Variants in ZC3H12B observed in about 807,000 individuals in gnomAD.
The protein encoded by ZC3H12B is zinc finger CCCH-type containing 12B, also known as probable ribonuclease ZC3H12B.
Under a neutral mutation model 43.9 loss-of-function variants are expected in ZC3H12B, and 7 were observed. The observed-to-expected ratio is 0.16, with a 90% CI of 0.09 to 0.30. The LOEUF (loss-of-function observed/expected upper bound fraction) is 0.30. ZC3H12B is among the 10% of genes least tolerant of loss of function. The pLI, the probability that ZC3H12B is intolerant of heterozygous loss-of-function variation, is 1.00. For synonymous variants in ZC3H12B, 222 were observed against 241.7 expected, an observed-to-expected ratio of 0.92 and a Z score of 0.76; for missense variants, 475 against 670.2, an observed-to-expected ratio of 0.71 and a Z score of 3.22.
chrX:65,456,414 TCCC>T (rs2067611597), intron 3 of ZC3H12B, among the ~76,000 whole-genome samples: 2 of 14,416 alleles, frequency 1.4e-4, no homozygotes, highest in East Asian at 6.8e-3. Flanking sequence ...CCTCTCCCTC[TCCC>T]TCTCCCTCTC....
intron 3 of ZC3H12B, among the ~76,000 whole-genome samples, chrX:65,472,870 ATATATGTT>A: frequency 1.1e-5 from 1 of 88,785 alleles, no homozygotes; most frequent in African/African-American, 4.3e-5. Context: ...GTTTGTGTAT[ATATATGTT>A]TATATATATA....
chrX:65,378,217 A>G (rs920941018), intron 2 of ZC3H12B, among the ~76,000 whole-genome samples: 5 of 112,225 alleles, frequency 4.5e-5, no homozygotes, highest in African/African-American at 1.6e-4. Context: ...TCTTAAATAG[A>G]AAGACTTAAA....
chrX:65,294,030 A>T, the ZC3H12B span, among the ~76,000 whole-genome samples: 8 of 111,646 alleles, frequency 7.2e-5, no homozygotes, highest in African/African-American at 1.3e-4. Flanking sequence ...TTGCCAAAAG[A>T]TCATCAACTA....
the ZC3H12B span, among the ~76,000 whole-genome samples, chrX:65,129,451 A>G: frequency 9.2e-6 from 1 of 109,159 alleles, no homozygotes; most frequent in African/African-American, 3.3e-5. Context: ...TTGGGTAGGT[A>G]ATGGAAAATT....
chrX:65,377,275 G>A (rs1315722390), intron 2 of ZC3H12B, among the ~76,000 whole-genome samples: 2 of 109,330 alleles, frequency 1.8e-5, no homozygotes, highest in East Asian at 2.9e-4. Context: ...TCTAGAAAAC[G>A]GCCTCGTAAG....
the ZC3H12B span, among the ~76,000 whole-genome samples, chrX:65,157,449 G>A: frequency 1.8e-5 from 2 of 111,971 alleles, no homozygotes; most frequent in Admixed American, 1.9e-4. Flanking sequence ...TTACAATTAT[G>A]TAGTGGTGTT....
At chrX:65,160,283 A>T in the ZC3H12B span, among the ~76,000 whole-genome samples, 1 of 111,799 alleles carries the variant, frequency 8.9e-6, no homozygotes, top group Non-Finnish European at 1.9e-5. Flanking sequence ...TCATAAAATG[A>T]GTTAGGGAGG....
chrX:65,211,996 G>C, the ZC3H12B span, among the ~76,000 whole-genome samples: 1 of 61,891 alleles, frequency 1.6e-5, no homozygotes, highest in Non-Finnish European at 2.6e-5. Context: ...TATAATATAT[G>C]TTATGTATAC....
At chrX:65,224,778 C>A in the ZC3H12B span, among the ~76,000 whole-genome samples, 1 of 111,825 alleles carries the variant, frequency 8.9e-6, no homozygotes, top group Non-Finnish European at 1.9e-5. Context: ...ATTGCTAGCA[C>A]AACAGTCTGA....
chrX:65,311,294 T>G, the ZC3H12B span, among the ~76,000 whole-genome samples: 1 of 111,016 alleles, frequency 9.0e-6, no homozygotes, highest in African/African-American at 3.3e-5. Context: ...TTAAACAAAT[T>G]TACAAGAAAA....
chrX:65,379,230 G>A (rs1397677621), intron 2 of ZC3H12B, among the ~76,000 whole-genome samples: 1 of 111,798 alleles, frequency 8.9e-6, no homozygotes, highest in East Asian at 2.8e-4. Context: ...GAAGAGAGCA[G>A]TGGTTCTCCC....
At chrX:65,164,031 G>C in the ZC3H12B span, among the ~76,000 whole-genome samples, 1 of 111,645 alleles carries the variant, frequency 9.0e-6, no homozygotes, top group Non-Finnish European at 1.9e-5. Context: ...ATTTCTCTTT[G>C]CTCACTGCCC....
At chrX:65,108,751 C>A in the ZC3H12B span, among the ~76,000 whole-genome samples, 1 of 111,414 alleles carries the variant, frequency 9.0e-6, no homozygotes, top group Non-Finnish European at 1.9e-5. Context: ...ATATTATTTA[C>A]TGTATATAAT....
chrX:65,184,515 A>T, the ZC3H12B span, among the ~76,000 whole-genome samples: 1 of 111,592 alleles, frequency 9.0e-6, no homozygotes, highest in Non-Finnish European at 1.9e-5. Context: ...TGATGGATGG[A>T]ATTTGTAAAC....
chrX:65,374,066 CAG>C (rs778870073), intron 2 of ZC3H12B, among the ~76,000 whole-genome samples: 21 of 53,756 alleles, frequency 3.9e-4, no homozygotes, highest in African/African-American at 1.5e-3. Flanking sequence ...TATATATATA[CAG>C]TATATATAAC....
the ZC3H12B span, among the ~76,000 whole-genome samples, chrX:65,171,269 C>T: frequency 9.0e-6 from 1 of 111,478 alleles, no homozygotes; most frequent in African/African-American, 3.3e-5. Flanking sequence ...CAGTCAGGAC[C>T]TTCAGCTGCA....
the ZC3H12B span, among the ~76,000 whole-genome samples, chrX:65,231,278 G>T: frequency 9.0e-6 from 1 of 110,974 alleles, no homozygotes; most frequent in Non-Finnish European, 1.9e-5. Flanking sequence ...CAAGGCAAAG[G>T]GTAGAGCAAG....
the ZC3H12B span, among the ~76,000 whole-genome samples, chrX:65,197,625 A>G: frequency 8.9e-6 from 1 of 112,030 alleles, no homozygotes; most frequent in Non-Finnish European, 1.9e-5. Context: ...AGCCCTTGGA[A>G]TTTACCTATT....
At chrX:65,170,360 C>T in the ZC3H12B span, among the ~76,000 whole-genome samples, 1 of 111,829 alleles carries the variant, frequency 8.9e-6, no homozygotes, top group African/African-American at 3.2e-5. Context: ...TGAATATTTG[C>T]CCCCACTGTC....
Sources: allele counts gnomAD v4.1 joint callset (sites outside exome capture counted in the v4.1 genomes callset), GRCh38; gene constraint gnomAD v4.1.1; transcripts MANE v1.5; gene names NCBI Gene and HGNC (gene_info 2026-07-23, HGNC 2026-07-21).